The following THADA variants were observed in gnomAD, a reference collection of about 807,000 sequenced individuals.
THADA encodes the protein THADA armadillo repeat containing.
In THADA, 213 loss-of-function variants were observed where a neutral mutation model predicts 219.8. That is an observed-to-expected ratio of 0.97 (90% CI 0.87 to 1.09). The LOEUF (loss-of-function observed/expected upper bound fraction) is 1.09. Ranked by LOEUF, THADA falls within the 50% of genes least tolerant of loss-of-function variation. The pLI is 0.00. For synonymous variants in THADA, 1,018 were observed against 828.9 expected (o/e 1.23, Z -3.92); for missense variants, 2,956 against 2,311.3 (o/e 1.28, Z -5.72).
At chr2:43,284,603 A>G (rs1417847759) in intron 35 of THADA, among the ~76,000 whole-genome samples, 1 of 152,188 alleles carries the variant, frequency 6.6e-6, no homozygotes, top group African/African-American at 2.4e-5. Context: ...GAGAACCTCT[A>G]TTAGGGCAAT....
At chr2:43,400,477 A>AT (rs11421585) in intron 28 of THADA, among the ~76,000 whole-genome samples, 19,315 of 134,802 alleles carry the variant, frequency 0.14, 2,308 homozygotes, top group South Asian at 0.2. Context: ...ATATATATAT[A>AT]AATATATACA....
chr2:43,518,337 G>A (rs1691993808), intron 22 of THADA, among the ~76,000 whole-genome samples: 1 of 152,298 alleles, frequency 6.6e-6, no homozygotes, highest in Non-Finnish European at 1.5e-5. Context: ...AAGTGCCACT[G>A]TTAAGAGCCA....
At chr2:43,436,201 T>C (rs1322281938) in intron 26 of THADA, among the ~76,000 whole-genome samples, 1 of 152,066 alleles carries the variant, frequency 6.6e-6, no homozygotes, top group Non-Finnish European at 1.5e-5. Context: ...AGGGAGCAAC[T>C]GGAAAAAAGA....
In THADA at chr2:43,564,084, T is replaced by C. The variant is rs575164618; in HGVS notation, c.2311+2614A>G. On this transcript the variant is annotated intron_variant, in intron 15 of 37. Coordinates refer to ENST00000405975, the MANE Select transcript of THADA (RefSeq NM_022065.5). ...AGCCTAGTTTTATTTCCCACACACTTAGATGCAGCTACAACTGCTTTAAAT... is the reference window on the plus strand; with the variant it reads ...AGCCTAGTTTTATTTCCCACACACTCAGATGCAGCTACAACTGCTTTAAAT... The C allele has an allele frequency of 5.9e-5, 9 of 152,342 alleles. No homozygotes were observed. The South Asian group carries it at 1.9e-3, about 32-fold the overall frequency. 9.4% of individuals were successfully genotyped at this position (152,342 alleles called of 1,614,324 possible).
At chr2:43,542,353 T>C (rs991449480) in intron 20 of THADA, among the ~76,000 whole-genome samples, 1 of 152,240 alleles carries the variant, frequency 6.6e-6, no homozygotes, top group African/African-American at 2.4e-5. Flanking sequence ...TTTTAATTCA[T>C]ATGTACCTCT....
chr2:43,514,942 T>G (rs1256349699), intron 22 of THADA, among the ~76,000 whole-genome samples: 1 of 77,832 alleles, frequency 1.3e-5, no homozygotes, highest in Non-Finnish European at 2.2e-5. Context: ...TACGTATATT[T>G]TATATATAAT....
chr2:43,277,855 C>T (rs1004048190), intron 36 of THADA, among the ~76,000 whole-genome samples: 2 of 152,042 alleles, frequency 1.3e-5, no homozygotes, highest in Non-Finnish European at 2.9e-5. Flanking sequence ...AAAACATCAG[C>T]AGTGTATTCT....
intron 28 of THADA, among the ~76,000 whole-genome samples, chr2:43,414,032 C>A (rs1384509186): frequency 6.6e-6 from 1 of 152,144 alleles, no homozygotes; most frequent in African/African-American, 2.4e-5. Flanking sequence ...ATATTTAATA[C>A]AATGTAAATG....
intron 29 of THADA, among the ~76,000 whole-genome samples, chr2:43,397,095 G>A (rs931260391): frequency 2.0e-5 from 3 of 151,444 alleles, no homozygotes; most frequent in Non-Finnish European, 4.4e-5. Flanking sequence ...AGTAATGCGG[G>A]GTAGATCTGA....
At chr2:43,386,043 G>A (rs1672640219) in intron 29 of THADA, among the ~76,000 whole-genome samples, 1 of 152,018 alleles carries the variant, frequency 6.6e-6, no homozygotes, top group Non-Finnish European at 1.5e-5. Flanking sequence ...ATATGAACAT[G>A]GGCCCATCAG....
At chr2:43,431,841 CTTTTTTTTTTTTTTTTTT>C (rs1162868788) in intron 26 of THADA, among the ~76,000 whole-genome samples, 1 of 1,568 alleles carries the variant, frequency 6.4e-4, no homozygotes, top group African/African-American at 5.1e-3. Context: ...ATTTTTTGTA[CTTTTTTTTTTTTTTTTTT>C]TTTTTTTTTT....
chr2:43,492,812 G>A lies in THADA; in HGVS notation c.3744+6021C>T, dbSNP rs145796968. Reference sequence around the variant, plus strand: ...GGGCCAGCCATGTCCTAGAGTTTCTGGTGACCCTCTTCCAAAGTAGCAAGA... The same window carrying A: ...GGGCCAGCCATGTCCTAGAGTTTCTAGTGACCCTCTTCCAAAGTAGCAAGA... On this transcript the variant is annotated intron_variant, in intron 25 of 37. Transcript: ENST00000405975. 4.5e-4 allele frequency among the ~76,000 whole-genome samples: 69 copies of A among 152,268 alleles called. 1 individual carries two copies. In the East Asian group the frequency reaches 0.012, roughly 27 times the overall value.
At chr2:43,461,906 G>C (rs542296172) in intron 26 of THADA, among the ~76,000 whole-genome samples, 1 of 152,124 alleles carries the variant, frequency 6.6e-6, no homozygotes, top group Non-Finnish European at 1.5e-5. Context: ...GCAACACAAC[G>C]GTGTTAGTTT....
chr2:43,594,574 A>G (rs1701941174), intron 1 of THADA, among the ~76,000 whole-genome samples: 1 of 144,088 alleles, frequency 6.9e-6, no homozygotes, highest in Admixed American at 7.0e-5. Context: ...ACAAGAGCGA[A>G]ACTCCATCTC....
intron 20 of THADA, among the ~76,000 whole-genome samples, chr2:43,543,385 T>C (rs555455847): frequency 9.9e-4 from 149 of 151,114 alleles, no homozygotes; most frequent in Admixed American, 1.7e-3. Flanking sequence ...TTTGGGTATA[T>C]ACCCAGTAAT....
At chr2:43,564,866 A>G (rs1228134578) in intron 15 of THADA, 2 of 152,222 alleles carry the variant, frequency 1.3e-5, no homozygotes, top group African/African-American at 4.8e-5. Flanking sequence ...CAAAATGTTA[A>G]TATCATAAAA....
intron 26 of THADA, among the ~76,000 whole-genome samples, chr2:43,445,146 A>C (rs895721370): frequency 3.9e-5 from 6 of 152,132 alleles, no homozygotes; most frequent in African/African-American, 1.2e-4. Flanking sequence ...CACCACAGTG[A>C]TTGCTGATAA....
chr2:43,310,230 C>G (rs1328804042), intron 31 of THADA, among the ~76,000 whole-genome samples: 5 of 122,592 alleles, frequency 4.1e-5, no homozygotes, highest in Non-Finnish European at 8.4e-5. Context: ...TTTCCCGCCC[C>G]CCCCCCAAAC....
chr2:43,439,061 C>G (rs1448937221), intron 26 of THADA, among the ~76,000 whole-genome samples: 1 of 152,166 alleles, frequency 6.6e-6, no homozygotes, highest in Non-Finnish European at 1.5e-5. Context: ...CTGTCTCTTT[C>G]TGGTTTTTCC....
Sources: allele counts gnomAD v4.1 joint callset (sites outside exome capture counted in the v4.1 genomes callset), GRCh38; gene constraint gnomAD v4.1.1; transcripts MANE v1.5; gene names NCBI Gene and HGNC (gene_info 2026-07-23, HGNC 2026-07-21).